LONP1: variants seen among roughly 807,000 people sequenced by gnomAD.
The protein encoded by LONP1 is lon peptidase 1, mitochondrial.
In LONP1, 31 loss-of-function variants were observed where a neutral mutation model predicts 98.5. The ratio of observed to expected loss-of-function variants is 0.31; its 90% CI spans 0.24 to 0.42. The LOEUF (loss-of-function observed/expected upper bound fraction) is 0.42. Ranked by LOEUF, LONP1 falls within the 20% of genes least tolerant of loss-of-function variation. LONP1 has a pLI of 1.00. For synonymous variants in LONP1, 781 were observed against 594.7 expected (o/e 1.31, Z -4.56); for missense variants, 1,336 against 1,350.6 (o/e 0.99, Z 0.17).
intron 15 of LONP1, 79 bp from the exon 16 acceptor site, chr19:5,693,848 T>C: frequency 8.4e-7 from 1 of 1,189,946 alleles, no homozygotes; most frequent in Non-Finnish European, 1.2e-6. Context: ...GGGGCCACTC[T>C]GACCGCTCCT....
Position 5,693,681 on chromosome 19 carries a change from T to C in LONP1, c.2409A>G (p.Thr803=), listed in dbSNP as rs2054872923. 6.2e-7 allele frequency: 1 copy of C among 1,613,970 alleles called. No individual in the cohort carries two copies. Among genetic ancestry groups the C allele is most frequent in the African/African-American group, 1.3e-5 (1 of 74,902 alleles). The part of the protein sequence containing the change: ...KGDKDGSLEV[T]GQLGEVMKES... ...CCTTCATCACCTCCCCCAGCTGGCC[T>C]GTCACCTCCAGGCTGCCATCCTTGT... Residue 803 remains threonine, a synonymous_variant, in exon 16 of 18, where the codon ACA becomes ACG. Transcript: ENST00000360614.
intron 10 of LONP1, among the ~76,000 whole-genome samples, chr19:5,697,300 ATGTG>A (rs1438402742): frequency 1.3e-5 from 2 of 151,704 alleles, no homozygotes. Context: ...TGCCACTGGG[ATGTG>A]TGTGACACTT....
At chr19:5,720,389 C>CA (rs1308591108), upstream of LONP1, 29 of 596,428 alleles carry the variant, frequency 4.9e-5, no homozygotes, top group East Asian at 4.4e-4. Flanking sequence ...AGCGCCCGTA[C>CA]AAAACACTGG....
chr19:5,710,964 T>C (rs1347973973), intron 4 of LONP1, among the ~76,000 whole-genome samples: 2 of 151,682 alleles, frequency 1.3e-5, no homozygotes, highest in Non-Finnish European at 2.9e-5. Flanking sequence ...AGGTGGAAAT[T>C]GCAGTGAGCT....
Position 5,691,978 on chromosome 19 carries a change from A to G in LONP1, c.*54T>C. ...TCCGGGCGCGCTCCCCACAGCGCTC[A>G]GTTCTGGCCCAGACAGGGCCTGACA... On this transcript the variant is annotated 3_prime_UTR_variant, in exon 18 of 18. Coordinates refer to ENST00000360614, the MANE Select transcript of LONP1 (RefSeq NM_004793.4). The G allele has an allele frequency of 1.3e-6, 2 of 1,570,776 alleles. No homozygotes were observed. The highest frequency in any genetic ancestry group is 1.7e-6 in the Non-Finnish European group (2 of 1,157,738).
At chr19:5,694,943 C>G in intron 13 of LONP1, 42 bp from the exon 14 acceptor site, 1 of 1,574,616 alleles carries the variant, frequency 6.4e-7, no homozygotes, top group Non-Finnish European at 8.7e-7. Context: ...AGGGACCTTG[C>G]CCACCAGCTC....
intron 3 of LONP1, among the ~76,000 whole-genome samples, chr19:5,712,302 C>T (rs1160699468): frequency 1.3e-5 from 2 of 152,222 alleles, no homozygotes; most frequent in Non-Finnish European, 2.9e-5. Flanking sequence ...AGCCCCAGGG[C>T]CTCCTGTCGA....
intron 6 of LONP1, 42 bp downstream of exon 6, chr19:5,707,655 T>G (rs1599469618): frequency 3.8e-6 from 6 of 1,581,308 alleles, no homozygotes; most frequent in Non-Finnish European, 5.2e-6. Context: ...GGAGGTGGGG[T>G]GCAGCCAGGC....
At chr19:5,708,632 G>A (rs1359145715) in intron 4 of LONP1, 2 of 540,640 alleles carry the variant, frequency 3.7e-6, no homozygotes, top group Non-Finnish European at 6.7e-6. Flanking sequence ...ACCAAACCCT[G>A]TCTCCTTACC....
At position 5,694,220 on chromosome 19, in the gene LONP1, C is replaced by G. The variant is rs2275244; in HGVS notation, c.2320+167G>C. ...TGCTGCCACCCCCATGTGTCACAGCCTTCCCCTCCCTCAGCCCAGACCCCC... is the reference window on the plus strand; with the variant it reads ...TGCTGCCACCCCCATGTGTCACAGCGTTCCCCTCCCTCAGCCCAGACCCCC... On this transcript the variant is annotated intron_variant, in intron 15 of 17. Transcript: ENST00000360614. Among the ~76,000 whole-genome samples the G allele has an allele frequency of 0.18, 26,818 of 152,168 alleles. 2,984 individuals are homozygous for G. The highest frequency in any genetic ancestry group is 0.25 in the Non-Finnish European group (16,889 of 67,990).
intron 8 of LONP1, among the ~76,000 whole-genome samples, chr19:5,702,347 G>A (rs1314524843): frequency 1.3e-5 from 2 of 150,424 alleles, no homozygotes; most frequent in East Asian, 2.0e-4. Flanking sequence ...CCGTCCGGGA[G>A]GGAGGTGGGG....
intron 10 of LONP1, among the ~76,000 whole-genome samples, chr19:5,697,312 CTT>C (rs762764717): frequency 2.6e-5 from 4 of 151,924 alleles, no homozygotes; most frequent in South Asian, 4.2e-4. Flanking sequence ...GTGTGTGACA[CTT>C]TAAGTGTGCA....
At chr19:5,693,076 G>A (rs2054858958) in intron 17 of LONP1, among the ~76,000 whole-genome samples, 1 of 152,192 alleles carries the variant, frequency 6.6e-6, no homozygotes, top group South Asian at 2.1e-4. Flanking sequence ...CAATCCTACT[G>A]GGGAAGCCAG....
Position 5,715,460 on chromosome 19 carries a change from G to A in LONP1, c.430-1189C>T, listed in dbSNP as rs1430874113. On this transcript the variant is annotated intron_variant, in intron 1 of 17. Coordinates refer to ENST00000360614, the MANE Select transcript of LONP1 (RefSeq NM_004793.4). ...AGATCGAGACCATCCTGGCTAACACGGTGAAACCCCGTCTCTACTAAAAAT... is the reference window on the plus strand; with the variant it reads ...AGATCGAGACCATCCTGGCTAACACAGTGAAACCCCGTCTCTACTAAAAAT... Among the ~76,000 whole-genome samples the A allele has an allele frequency of 6.0e-5, 9 of 150,444 alleles. No homozygotes were observed. In the South Asian group the frequency reaches 1.3e-3, roughly 21 times the overall value.
chr19:5,716,436 A>T (rs1472664701), intron 1 of LONP1, among the ~76,000 whole-genome samples: 5 of 151,178 alleles, frequency 3.3e-5, no homozygotes, highest in Non-Finnish European at 7.4e-5. Context: ...ACAAAAGAGC[A>T]TCACATGATG....
intron 11 of LONP1, 88 bp downstream of exon 11, chr19:5,696,582 C>T: frequency 2.8e-6 from 4 of 1,420,420 alleles, no homozygotes; most frequent in South Asian, 1.3e-5. Flanking sequence ...CCTGAGTTGG[C>T]TCGGGGATCC....
Position 5,700,813 on chromosome 19 carries a change from C to T in LONP1, c.1482G>A (p.Met494Ile), listed in dbSNP as rs866112675. Reference protein sequence around the residue: ...QAVLEEDHYGMEDVKKRILEF... With the variant: ...QAVLEEDHYGIEDVKKRILEF... ...CCAGGATGCGTTTCTTGACGTCCTCCATGCCGTAGTGGTCTTCCTCCAGCA... is the reference window on the plus strand; with the variant it reads ...CCAGGATGCGTTTCTTGACGTCCTCTATGCCGTAGTGGTCTTCCTCCAGCA... Residue 494 changes from methionine to isoleucine, a missense_variant, in exon 9 of 18, where the codon ATG becomes ATA. Physicochemically the swap from Met to Ile is conservative, Grantham distance 10 (BLOSUM62 1). Around this residue, in one of 5 missense-constraint regions of LONP1, gnomAD observed 219 missense variants for 241.0 expected, o/e 0.91. Transcript: ENST00000360614. 1 of 1,614,196 alleles carries T rather than the reference C, an allele frequency of 6.2e-7. No homozygotes were observed. Among genetic ancestry groups the T allele is most frequent in the Non-Finnish European group, 8.5e-7 (1 of 1,180,024 alleles).
At chr19:5,708,468 G>GGGGGGGGGGGGGGA in intron 4 of LONP1, 65 bp from the exon 5 acceptor site, 4 of 551,256 alleles carry the variant, frequency 7.3e-6, no homozygotes, top group East Asian at 9.5e-5. Context: ...GGCTGGGTGG[G>GGGGGGGGGGGGGGA]AGCATGGCCC....
rs1325777808 is a variant in LONP1 at position 5,720,038 on chromosome 19, G to A, written c.95C>T (p.Pro32Leu). ...PMLAAAGGRV[P>L]TAAGAWLLRG... ...GAGCAACCACGCTCCTGCTGCAGTG[G>A]GAACCCGCCCCCCGGCGGCGGCCAG... is the stretch of plus-strand genomic sequence containing the variant. The change falls in exon 1 of 18, where the codon CCC becomes CTC. Residue 32 changes from proline to leucine, a missense_variant. This residue lies in a region of LONP1 where 457 missense variants were observed against 403.1 expected (regional missense o/e 1.13). Coordinates refer to ENST00000360614, the MANE Select transcript of LONP1 (RefSeq NM_004793.4). The A allele has an allele frequency of 1.3e-6, 2 of 1,551,766 alleles. No individual in the cohort carries two copies. Among genetic ancestry groups the A allele is most frequent in the African/African-American group, 1.4e-5 (1 of 71,576 alleles).
Sources: allele counts gnomAD v4.1 joint callset (sites outside exome capture counted in the v4.1 genomes callset), GRCh38; gene constraint gnomAD v4.1.1; regional missense constraint gnomAD v4.1.1; transcripts MANE v1.5; gene names NCBI Gene and HGNC (gene_info 2026-07-23, HGNC 2026-07-21).